Variants in MTUS2 observed in about 807,000 individuals in gnomAD.
MTUS2 encodes the protein microtubule associated scaffold protein 2, also known as microtubule-associated tumor suppressor candidate 2.
In MTUS2, 40 loss-of-function variants were observed where a neutral mutation model predicts 114.1. The observed-to-expected ratio is 0.35, with a 90% confidence interval of 0.27 to 0.46. MTUS2 has a LOEUF of 0.46. Ranked by LOEUF, MTUS2 falls within the 20% of genes least tolerant of loss-of-function variation. MTUS2 has a pLI of 1.00. For synonymous variants in MTUS2, 688 were observed against 672.0 expected (o/e 1.02, Z -0.37); for missense variants, 1,679 against 1,705.4 (o/e 0.98, Z 0.27).
intron 8 of MTUS2, among the ~76,000 whole-genome samples, chr13:29,369,483 T>C (rs1871031076): frequency 6.6e-6 from 1 of 152,136 alleles, no homozygotes; most frequent in African/African-American, 2.4e-5. Context: ...TGAAACGAGG[T>C]TTGAAATTAA....
At chr13:29,391,645 T>G (rs1398392104) in intron 8 of MTUS2, among the ~76,000 whole-genome samples, 1 of 37,720 alleles carries the variant, frequency 2.7e-5, no homozygotes, top group East Asian at 9.6e-4. Context: ...TTTAAAATGT[T>G]TTTTTTTTTC....
intron 9 of MTUS2, among the ~76,000 whole-genome samples, chr13:29,478,748 G>A (rs1349753819): frequency 6.6e-6 from 1 of 151,940 alleles, no homozygotes; most frequent in Non-Finnish European, 1.5e-5. Context: ...GATTGCATTG[G>A]GAGATCAGAG....
intron 5 of MTUS2, among the ~76,000 whole-genome samples, chr13:29,255,082 C>CGGT (rs1461647880): frequency 6.6e-6 from 1 of 152,118 alleles, no homozygotes; most frequent in Non-Finnish European, 1.5e-5. Context: ...TTTTTCCCAG[C>CGGT]GGTGCACACA....
chr13:29,198,997 A>G (rs961674322), intron 5 of MTUS2, among the ~76,000 whole-genome samples: 1 of 152,200 alleles, frequency 6.6e-6, no homozygotes, highest in African/African-American at 2.4e-5. Context: ...TAAATATACA[A>G]TCATATCATC....
chr13:29,326,937 G>C (rs201824300), intron 7 of MTUS2, among the ~76,000 whole-genome samples: 1 of 152,008 alleles, frequency 6.6e-6, no homozygotes, highest in South Asian at 2.1e-4. Context: ...CCAAGGTCAC[G>C]CCACTACACT....
chr13:29,395,313 C>G (rs1873827058), intron 8 of MTUS2, among the ~76,000 whole-genome samples: 1 of 152,132 alleles, frequency 6.6e-6, no homozygotes, highest in Non-Finnish European at 1.5e-5. Context: ...CAGGTGAGAG[C>G]CCTGCTGCTT....
intron 2 of MTUS2, among the ~76,000 whole-genome samples, chr13:28,992,516 G>T (rs1884907551): frequency 6.6e-6 from 1 of 152,094 alleles, no homozygotes; most frequent in African/African-American, 2.4e-5. Context: ...GAGATTTACA[G>T]CATTGCATAC....
intron 8 of MTUS2, among the ~76,000 whole-genome samples, chr13:29,378,026 C>T (rs892712489): frequency 3.3e-5 from 5 of 152,116 alleles, no homozygotes; most frequent in African/African-American, 1.2e-4. Context: ...CGAAAGGTTA[C>T]GCACTGTCTG....
At chr13:29,308,558 A>G (rs1196870703) in intron 6 of MTUS2, among the ~76,000 whole-genome samples, 3 of 152,196 alleles carry the variant, frequency 2.0e-5, no homozygotes, top group African/African-American at 7.2e-5. Flanking sequence ...GACAAATGAG[A>G]TCTAATTAAA....
At chr13:28,965,999 A>G (rs777059966) in intron 2 of MTUS2, among the ~76,000 whole-genome samples, 10 of 152,370 alleles carry the variant, frequency 6.6e-5, no homozygotes, top group Non-Finnish European at 2.9e-5. Flanking sequence ...TAACCATCAC[A>G]CTGGCTAACT....
At chr13:29,143,735 T>C (rs116191289) in intron 5 of MTUS2, among the ~76,000 whole-genome samples, 2,247 of 152,278 alleles carry the variant, frequency 0.015, 46 homozygotes, top group African/African-American at 0.051. Context: ...CACAAAATTA[T>C]GTAGGCTGGT....
chr13:29,194,848 A>T (rs1894609231), intron 5 of MTUS2, among the ~76,000 whole-genome samples: 1 of 151,752 alleles, frequency 6.6e-6, no homozygotes, highest in Middle Eastern at 3.2e-3. Flanking sequence ...ACCAACCCAA[A>T]TGTCCAACAA....
Position 29,151,619 on chromosome 13 carries a change from C to G in MTUS2, c.2644+50649C>G, listed in dbSNP as rs1892666940. ...GGCATCCTTATCTTGTTCCAGTTCT[C>G]AAGGTGAATTCTTCCAGCTTTTATC... On this transcript the variant is annotated intron_variant, in intron 5 of 15. Transcript: ENST00000612955. 2.0e-5 allele frequency among the ~76,000 whole-genome samples: 3 copies of G among 152,138 alleles called. No homozygotes were observed. The South Asian group carries it at 6.2e-4, about 31-fold the overall frequency.
chr13:29,093,810 C>G (rs1161090981), intron 4 of MTUS2, among the ~76,000 whole-genome samples: 1 of 152,196 alleles, frequency 6.6e-6, no homozygotes, highest in African/African-American at 2.4e-5. Flanking sequence ...ATTGTGAGAG[C>G]AGACAACCTT....
At chr13:28,824,552 A>G (rs117325459) in intron 1 of MTUS2, among the ~76,000 whole-genome samples, 184 of 151,948 alleles carry the variant, frequency 1.2e-3, no homozygotes, top group Admixed American at 2.4e-3. Flanking sequence ...CCTTTAAAAC[A>G]CCCAGTCACC....
chr13:29,068,565 T>C (rs1290301988), intron 4 of MTUS2, among the ~76,000 whole-genome samples: 3 of 152,216 alleles, frequency 2.0e-5, no homozygotes, highest in African/African-American at 7.2e-5. Flanking sequence ...CACAGTCAAT[T>C]ATGATACCAT....
chr13:28,947,976 T>G (rs990645224), intron 2 of MTUS2, among the ~76,000 whole-genome samples: 1 of 152,188 alleles, frequency 6.6e-6, no homozygotes, highest in Non-Finnish European at 1.5e-5. Context: ...TTTAAGTATG[T>G]TGTTTATGCT....
intron 9 of MTUS2, among the ~76,000 whole-genome samples, chr13:29,443,985 C>T (rs367640425): frequency 1.3e-5 from 2 of 152,210 alleles, no homozygotes; most frequent in African/African-American, 2.4e-5. Flanking sequence ...CATTCCAGAA[C>T]AGGGCTGCCC....
At chr13:29,389,710 T>C (rs867706143) in intron 8 of MTUS2, among the ~76,000 whole-genome samples, 2 of 145,064 alleles carry the variant, frequency 1.4e-5, no homozygotes, top group South Asian at 4.3e-4. Flanking sequence ...TATGTGTATA[T>C]GTATATATAC....
Sources: gnomAD v4.1 joint callset for allele counts (sites outside exome capture counted in the v4.1 genomes callset) on GRCh38, gnomAD v4.1.1 for gene constraint, MANE v1.5 for transcripts, NCBI Gene and HGNC (gene_info 2026-07-23, HGNC 2026-07-21) for gene names.